MAGI1: variants seen among roughly 807,000 people sequenced by gnomAD.
MAGI1 encodes the protein membrane associated guanylate kinase, WW and PDZ domain containing 1.
In MAGI1, 58 loss-of-function variants were observed where a neutral mutation model predicts 139.9. That is an observed-to-expected ratio of 0.41 (90% confidence interval 0.34 to 0.52). The LOEUF is 0.52. Ranked by LOEUF, MAGI1 falls within the 20% of genes least tolerant of loss-of-function variation. The probability of loss-of-function intolerance (pLI) is 0.12; values close to 1 mark genes in which losing one functional copy is unlikely to be tolerated. For missense variants in MAGI1, 1,874 were observed against 1,901.6 expected (o/e 0.99, Z 0.27); for synonymous variants, 812 against 737.9 (o/e 1.10, Z -1.63).
intron 1 of MAGI1, among the ~76,000 whole-genome samples, chr3:65,910,199 C>T (rs2061600923): frequency 6.6e-6 from 1 of 152,144 alleles, no homozygotes; most frequent in African/African-American, 2.4e-5. Context: ...CCTTAAATAA[C>T]TGAATATAAA....
chr3:65,383,753 G>A, intron 14 of MAGI1, 130 bp from the exon 15 acceptor site: 1 of 690,822 alleles, frequency 1.4e-6, no homozygotes, highest in Non-Finnish European at 2.6e-6. Flanking sequence ...TATAGGCAAA[G>A]AAACAAAATA....
chr3:65,459,077 G>T (rs1370892250), intron 5 of MAGI1, among the ~76,000 whole-genome samples: 1 of 152,136 alleles, frequency 6.6e-6, no homozygotes, highest in African/African-American at 2.4e-5. Flanking sequence ...CCCAATGTGT[G>T]TGCTTGGCAC....
chr3:65,417,240 T>C (rs1003588942), intron 12 of MAGI1, among the ~76,000 whole-genome samples: 3 of 152,102 alleles, frequency 2.0e-5, no homozygotes, highest in East Asian at 3.9e-4. Context: ...ACTTAGGTGA[T>C]GGGATGATCT....
At position 65,887,386 on chromosome 3, in the gene MAGI1, C is replaced by T. The variant is rs1441216105; in HGVS notation, c.313+150610G>A. Among the ~76,000 whole-genome samples, 2 of 52,880 alleles carry T rather than the reference C, an allele frequency of 3.8e-5. 1 individual carries two copies. Among genetic ancestry groups the T allele is most frequent in the South Asian group, 2.4e-3 (2 of 818 alleles). 34.7% of individuals were successfully genotyped at this position (52,880 alleles called of 152,430 possible). A position where few individuals can be genotyped will look rare whatever the true frequency, so the allele number is the denominator to read the frequency against. On this transcript the variant is annotated intron_variant, in intron 1 of 22. Coordinates refer to ENST00000402939, the MANE Select transcript of MAGI1 (RefSeq NM_001033057.2). ...TAGAACTCTGTACAGCAGACTGATA[C>T]CAGAAAAAAAAAAAAAAAAGGGCAG...
intron 15 of MAGI1, 90 bp from the exon 16 acceptor site, chr3:65,382,159 C>G: frequency 8.9e-7 from 1 of 1,119,684 alleles, no homozygotes; most frequent in Non-Finnish European, 1.3e-6. Context: ...ACAATTCATT[C>G]ATTCATGTCT....
chr3:65,628,588 G>C (rs2084111580), intron 1 of MAGI1, among the ~76,000 whole-genome samples: 1 of 151,692 alleles, frequency 6.6e-6, no homozygotes, highest in Admixed American at 6.6e-5. Context: ...CAGACTCTCG[G>C]GGAAAAAAAG....
intron 2 of MAGI1, among the ~76,000 whole-genome samples, chr3:65,515,194 G>C (rs1301896733): frequency 6.9e-6 from 1 of 145,878 alleles, no homozygotes; most frequent in Non-Finnish European, 1.5e-5. Flanking sequence ...AGCATTGGGA[G>C]ATATACCTAA....
intron 2 of MAGI1, among the ~76,000 whole-genome samples, chr3:65,619,460 C>G (rs1393152047): frequency 2.0e-5 from 3 of 152,118 alleles, no homozygotes; most frequent in Admixed American, 1.3e-4. Flanking sequence ...GATGTCTACC[C>G]CCACCACAAG....
At chr3:66,030,059 G>A (rs1018834052) in intron 1 of MAGI1, among the ~76,000 whole-genome samples, 1 of 152,142 alleles carries the variant, frequency 6.6e-6, no homozygotes, top group Non-Finnish European at 1.5e-5. Context: ...ACTCCAAGGA[G>A]ACTCCAGTGG....
At chr3:65,791,126 G>A (rs550669800) in intron 1 of MAGI1, among the ~76,000 whole-genome samples, 52 of 152,204 alleles carry the variant, frequency 3.4e-4, no homozygotes, top group African/African-American at 1.2e-3. Context: ...TGCTTTATAC[G>A]TGCAATTCTT....
At position 65,921,892 on chromosome 3, in the gene MAGI1, T is replaced by A. The variant is rs1036901996; in HGVS notation, c.313+116104A>T. Among the ~76,000 whole-genome samples, 3 of 144,404 alleles carry A rather than the reference T, an allele frequency of 2.1e-5. No homozygotes were observed. The East Asian group carries it at 6.3e-4, about 30-fold the overall frequency. The allele number at this position is 144,404 out of a possible 152,430, so 94.7% of individuals were successfully genotyped here. A position where few individuals can be genotyped will look rare whatever the true frequency, so the allele number is the denominator to read the frequency against. ...CTGCACTCCAACCTGGGCAACAGAG[T>A]GAGACCCTATCTCCAACCACACACA... On this transcript the variant is annotated intron_variant, in intron 1 of 22. Transcript: ENST00000402939.
rs145926727 is a variant in MAGI1 at position 65,404,251 on chromosome 3, A to G, written c.2168-2781T>C. On this transcript the variant is annotated intron_variant, in intron 12 of 22. Transcript: ENST00000402939. ...CTAATTCAAAAATAAATATTAATTA[A>G]TTAATGGCCCCTTCATTGTTAACTA... is the stretch of plus-strand genomic sequence containing the variant. Among the ~76,000 whole-genome samples the G allele has an allele frequency of 6.2e-3, 950 of 152,338 alleles. 13 individuals are homozygous for G. The highest frequency in any genetic ancestry group is 0.022 in the African/African-American group (911 of 41,590).
At chr3:65,871,376 C>T (rs1413822691) in intron 1 of MAGI1, among the ~76,000 whole-genome samples, 1 of 152,142 alleles carries the variant, frequency 6.6e-6, no homozygotes, top group Non-Finnish European at 1.5e-5. Flanking sequence ...TCTTCATGCA[C>T]CTGTGTAATT....
rs1246204852 is a variant in MAGI1 at position 65,717,966 on chromosome 3, C to A, written c.314-95878G>T. ...ATAAGAAAGATTTTTTTCCCCCAAG[C>A]TTCTACTACCATGGTAGATTCTGTC... On this transcript the variant is annotated intron_variant, in intron 1 of 22. Transcript: ENST00000402939. Among the ~76,000 whole-genome samples the A allele has an allele frequency of 4.6e-5, 7 of 152,166 alleles. No individual in the cohort carries two copies. In the East Asian group the frequency reaches 1.3e-3, roughly 29 times the overall value.
chr3:65,688,096 C>A, intron 1 of MAGI1: 1 of 762,258 alleles, frequency 1.3e-6, no homozygotes, highest in Non-Finnish European at 2.3e-6. Flanking sequence ...GCCCTGAACA[C>A]TGCACATAGG....
chr3:65,401,359 ACACAGAGTACCCTCC>A, intron 13 of MAGI1, 65 bp downstream of exon 13: 1 of 1,489,072 alleles, frequency 6.7e-7, no homozygotes, highest in East Asian at 2.5e-5. Context: ...AAGTGAAGCC[ACACAGAGTACCCTCC>A]CACCTCCAGC....
chr3:66,002,565 G>C (rs903058839), intron 1 of MAGI1, among the ~76,000 whole-genome samples: 1 of 151,966 alleles, frequency 6.6e-6, no homozygotes, highest in African/African-American at 2.4e-5. Flanking sequence ...TCCCAGGCTG[G>C]AGTACAGTGG....
chr3:65,806,573 C>A lies in MAGI1; in HGVS notation c.314-184485G>T, dbSNP rs143262122. ...TGCCCGTAAGTCTCCCACCACATAA[C>A]TGCGTTGGAATCTCGGAAACTTCTC... On this transcript the variant is annotated intron_variant, in intron 1 of 22. Coordinates refer to ENST00000402939, the MANE Select transcript of MAGI1 (RefSeq NM_001033057.2). Among the ~76,000 whole-genome samples, 50 of 152,330 alleles carry A rather than the reference C, an allele frequency of 3.3e-4. 1 individual carries two copies. The highest frequency in any genetic ancestry group is 1.2e-3 in the African/African-American group (49 of 41,574).
chr3:65,534,484 T>C (rs534174939), intron 2 of MAGI1, among the ~76,000 whole-genome samples: 3 of 152,152 alleles, frequency 2.0e-5, no homozygotes, highest in South Asian at 2.1e-4. Flanking sequence ...AGTGAGACCC[T>C]GTCTCTAAAA....
Sources: gnomAD v4.1 joint callset for allele counts (sites outside exome capture counted in the v4.1 genomes callset) on GRCh38, gnomAD v4.1.1 for gene constraint, MANE v1.5 for transcripts, NCBI Gene and HGNC (gene_info 2026-07-23, HGNC 2026-07-21) for gene names.